The following ISG20 variants were observed in gnomAD, a reference collection of about 807,000 sequenced individuals.
The protein encoded by ISG20 is interferon stimulated exonuclease gene 20.
In ISG20, 8 loss-of-function variants were observed where a neutral mutation model predicts 11.1. The ratio of observed to expected loss-of-function variants is 0.72; its 90% CI spans 0.42 to 1.30. The LOEUF (loss-of-function observed/expected upper bound fraction) is 1.30. ISG20 is among the 50% of genes most tolerant of loss of function. The pLI is 0.01. For synonymous variants in ISG20, 110 were observed against 101.7 expected (o/e 1.08, Z -0.49); for missense variants, 243 against 250.2 (o/e 0.97, Z 0.19).
At chr15:88,636,122 G>A (rs1441415846), upstream of ISG20, 1 of 152,412 alleles carries the variant, frequency 6.6e-6, no homozygotes, top group South Asian at 2.1e-4. Context: ...TGGATCCAGA[G>A]AGGGCCACAG....
At chr15:88,638,964 G>A (rs918206707), upstream of ISG20, 10 of 239,890 alleles carry the variant, frequency 4.2e-5, no homozygotes, top group Non-Finnish European at 6.7e-5. Flanking sequence ...AAACAGGGTC[G>A]GGATGCCGAT....
At chr15:88,636,300 G>A (rs111871577), upstream of ISG20, 10,016 of 152,358 alleles carry the variant, frequency 0.066, 418 homozygotes, top group Non-Finnish European at 0.093. Flanking sequence ...AAGGTAGAGC[G>A]TCGGCACCGG....
Position 88,655,511 on chromosome 15 carries a change from C to T in ISG20, c.526C>T (p.Arg176Cys), listed in dbSNP as rs779582408. The change falls in exon 4 of 4, where the codon CGC (arginine) becomes TGC (cysteine). Residue 176 changes from arginine (R) to cysteine (C), a missense_variant. Arg to Cys is a radical substitution (Grantham distance 180). Transcript: ENST00000306072. ...QRIRARRGLP[R>C]LAVSD Reference sequence around the variant, plus strand: ...AATCCGAGCCCGCCGAGGGCTGCCCCGCCTGGCTGTGTCAGACTGAAGCCC... The same window carrying T: ...AATCCGAGCCCGCCGAGGGCTGCCCTGCCTGGCTGTGTCAGACTGAAGCCC... 1.3e-5 allele frequency: 21 copies of T among 1,613,652 alleles called. No homozygotes were observed. The highest frequency in any genetic ancestry group is 2.2e-5 in the East Asian group (1 of 44,902).
At chr15:88,640,381 C>T (rs535268459) in intron 2 of ISG20, among the ~76,000 whole-genome samples, 1 of 152,152 alleles carries the variant, frequency 6.6e-6, no homozygotes, top group East Asian at 1.9e-4. Flanking sequence ...ATTGACTGAG[C>T]ACTCACTATG....
rs1385258914 is a variant in ISG20 at position 88,655,654 on chromosome 15, C to G, written c.*123C>G. On this transcript the variant is annotated 3_prime_UTR_variant, in exon 4 of 4. Coordinates refer to ENST00000306072, the MANE Select transcript of ISG20 (RefSeq NM_002201.6). ...GCTCTATATTTTCTCTACGCCATCACTGGGTCCTCTTCTTATTCTTCTCTC... is the reference window on the plus strand; with the variant it reads ...GCTCTATATTTTCTCTACGCCATCAGTGGGTCCTCTTCTTATTCTTCTCTC... 4.1e-5 allele frequency: 26 copies of G among 631,690 alleles called. 1 individual carries two copies. In the Admixed American group the frequency reaches 7.5e-4, roughly 18 times the overall value. 39.1% of individuals were successfully genotyped at this position (631,690 alleles called of 1,614,324 possible). A position where few individuals can be genotyped will look rare whatever the true frequency, so the allele number is the denominator to read the frequency against.
chr15:88,647,655 C>T (rs1042741033), intron 2 of ISG20: 1 of 152,178 alleles, frequency 6.6e-6, no homozygotes, highest in Non-Finnish European at 1.5e-5. Context: ...AATCACTGCT[C>T]AGATTCATGG....
chr15:88,651,006 C>A, intron 2 of ISG20: 1 of 162,344 alleles, frequency 6.2e-6, no homozygotes, highest in Non-Finnish European at 1.3e-5. Flanking sequence ...TCAGGTGATC[C>A]ACCTGCCTCA....
intron 3 of ISG20, 51 bp from the exon 4 acceptor site, chr15:88,655,364 C>A: frequency 6.6e-7 from 1 of 1,515,616 alleles, no homozygotes; most frequent in Non-Finnish European, 9.2e-7. Flanking sequence ...TGTCACGGGG[C>A]CTCTGAATTC....
At chr15:88,653,083 G>A (rs2058314931) in intron 3 of ISG20, among the ~76,000 whole-genome samples, 1 of 152,162 alleles carries the variant, frequency 6.6e-6, no homozygotes, top group African/African-American at 2.4e-5. Context: ...AGCCAGGGCT[G>A]TACACAGGGA....
intron 2 of ISG20, chr15:88,651,381 G>A: frequency 1.3e-6 from 1 of 786,342 alleles, no homozygotes; most frequent in Non-Finnish European, 1.5e-6. Flanking sequence ...TAGTTTCGAA[G>A]TTCAGCGTGG....
intron 2 of ISG20, chr15:88,651,163 T>A (rs1282813833): frequency 4.1e-6 from 4 of 977,376 alleles, no homozygotes; most frequent in African/African-American, 1.8e-5. Flanking sequence ...CCATCTTTTT[T>A]AAGAAGAGTG....
rs879966958 is a variant in ISG20, at chr15:88,643,237, A to G, written c.228+3643A>G. On this transcript the variant is annotated intron_variant, in intron 2 of 3. Coordinates refer to ENST00000306072, the MANE Select transcript of ISG20 (RefSeq NM_002201.6). This position sits in a 1 kb window ranked among gnomAD's most constrained non-coding sequence, Gnocchi z 4.4. Reference sequence around the variant, plus strand: ...GTAAGAGAGACCCTGTCTCTATTAAAAAATAATAATAATTAAAATATTAAA... The same window carrying G: ...GTAAGAGAGACCCTGTCTCTATTAAGAAATAATAATAATTAAAATATTAAA... Among the ~76,000 whole-genome samples, 3 of 152,122 alleles carry G rather than the reference A, an allele frequency of 2.0e-5. No individual in the cohort carries two copies. The highest frequency in any genetic ancestry group is 6.5e-5 in the Admixed American group (1 of 15,278).
At chr15:88,651,371 T>C (rs1020077379) in intron 2 of ISG20, 1 of 886,842 alleles carries the variant, frequency 1.1e-6, no homozygotes, top group African/African-American at 1.8e-5. Context: ...TACAGTTCTG[T>C]AGTTTCGAAG....
At chr15:88,649,922 C>A (rs2058244989) in intron 2 of ISG20, 3 of 375,834 alleles carry the variant, frequency 8.0e-6, no homozygotes, top group South Asian at 7.4e-5. Context: ...AGTGGATGGA[C>A]AGACTGCTTC....
upstream of ISG20, among the ~76,000 whole-genome samples, chr15:88,637,633 G>A (rs1350465771): frequency 2.0e-5 from 3 of 152,172 alleles, no homozygotes; most frequent in Middle Eastern, 3.4e-3. Context: ...AAATATTGGA[G>A]GAGTGGGATG....
chr15:88,646,309 C>T (rs532983317), intron 2 of ISG20, among the ~76,000 whole-genome samples: 4 of 152,232 alleles, frequency 2.6e-5, no homozygotes, highest in Non-Finnish European at 4.4e-5. Context: ...TACCATCACT[C>T]CCATTTTACA....
chr15:88,637,617 T>C (rs902412387), upstream of ISG20, among the ~76,000 whole-genome samples: 8 of 151,674 alleles, frequency 5.3e-5, no homozygotes, highest in African/African-American at 1.9e-4. Context: ...CACAGAACCA[T>C]GGGGAAAATA....
chr15:88,638,383 C>G (rs2058018692), upstream of ISG20, among the ~76,000 whole-genome samples: 1 of 152,226 alleles, frequency 6.6e-6, no homozygotes, highest in Non-Finnish European at 1.5e-5. Flanking sequence ...GGAAGTGTGG[C>G]CGGGCTGGTG....
intron 2 of ISG20, among the ~76,000 whole-genome samples, chr15:88,644,361 C>T (rs575599438): frequency 2.6e-3 from 387 of 151,674 alleles, no homozygotes; most frequent in African/African-American, 8.9e-3. Flanking sequence ...TGGTGAAACC[C>T]CGTCTCTACT....
Sources: gnomAD v4.1 joint callset for allele counts (sites outside exome capture counted in the v4.1 genomes callset) on GRCh38, gnomAD v4.1.1 for gene constraint, Gnocchi (gnomAD v3.1) non-coding constraint, MANE v1.5 for transcripts, NCBI Gene and HGNC (gene_info 2026-07-23, HGNC 2026-07-21) for gene names.